Variants in NUP210 observed in about 807,000 individuals in gnomAD.
NUP210 encodes nuclear pore membrane glycoprotein 210.
Under a neutral mutation model 196.0 loss-of-function variants are expected in NUP210, and 151 were observed. The ratio of observed to expected loss-of-function variants is 0.77; its 90% CI spans 0.67 to 0.88. The LOEUF is 0.88. Ranked by LOEUF, NUP210 falls within the 40% of genes least tolerant of loss-of-function variation. The pLI is 0.00. For missense variants in NUP210, 2,314 were observed against 2,493.7 expected, an observed-to-expected ratio of 0.93 and a Z score of 1.53; for synonymous variants, 1,070 against 1,052.7, an observed-to-expected ratio of 1.02 and a Z score of -0.32.
intron 6 of NUP210, among the ~76,000 whole-genome samples, chr3:13,380,885 T>A (rs1342171644): frequency 4.6e-5 from 7 of 152,254 alleles, no homozygotes; most frequent in Non-Finnish European, 1.0e-4. Context: ...AAGTATCAAA[T>A]AATTTTCACT....
At chr3:13,373,650 G>GAGC in intron 12 of NUP210, 68 bp downstream of exon 12, 1 of 1,543,976 alleles carries the variant, frequency 6.5e-7, no homozygotes, top group Non-Finnish European at 8.9e-7. Flanking sequence ...GTCGAGGCTT[G>GAGC]CTCAGAGGGG....
At position 13,372,108 on chromosome 3, in the gene NUP210, T is replaced by A. The variant is rs1698751978; in HGVS notation, c.1588-76A>T. 3.9e-6 allele frequency: 5 copies of A among 1,291,418 alleles called. No homozygotes were observed. In the East Asian group the frequency reaches 1.3e-4, roughly 33 times the overall value. The allele number at this position is 1,291,418 out of a possible 1,614,324, so 80.0% of individuals were successfully genotyped here. A position where few individuals can be genotyped will look rare whatever the true frequency, so the allele number is the denominator to read the frequency against. The stretch of plus-strand genomic sequence containing the variant: ...GGGCCTGTTGCTCGGATATCCTAAG[T>A]GCTGCTGTGTGCTGAGCACTGAGGA... On this transcript the variant is annotated intron_variant, in intron 12 of 39. Coordinates refer to ENST00000254508, the MANE Select transcript of NUP210 (RefSeq NM_024923.4).
intron 3 of NUP210, among the ~76,000 whole-genome samples, chr3:13,391,713 C>T (rs983081485): frequency 3.6e-5 from 5 of 137,784 alleles, no homozygotes; most frequent in African/African-American, 1.1e-4. Flanking sequence ...GGAGTAAACT[C>T]CTCTCCCTCC....
intron 29 of NUP210, 64 bp from the exon 30 acceptor site, chr3:13,330,698 T>C (rs964442219): frequency 2.7e-6 from 4 of 1,469,380 alleles, no homozygotes; most frequent in African/African-American, 1.4e-5. Context: ...CTGGATACAA[T>C]GCCAGGAGAT....
intron 33 of NUP210, among the ~76,000 whole-genome samples, chr3:13,324,162 C>T (rs566639918): frequency 1.3e-5 from 2 of 152,264 alleles, no homozygotes; most frequent in Admixed American, 1.3e-4. Flanking sequence ...TTACCACCAT[C>T]CACCTCCAGG....
intron 15 of NUP210, 88 bp from the exon 16 acceptor site, chr3:13,358,483 G>T: frequency 7.5e-7 from 1 of 1,341,068 alleles, no homozygotes; most frequent in South Asian, 1.5e-5. Flanking sequence ...AGCTCCCTCT[G>T]ACTCAGTTTT....
intron 20 of NUP210, among the ~76,000 whole-genome samples, chr3:13,345,553 A>G (rs1054611272): frequency 2.0e-5 from 3 of 152,202 alleles, no homozygotes; most frequent in Admixed American, 2.0e-4. Context: ...GGCACGGAGG[A>G]TCAACGAGCT....
chr3:13,345,990 C>CACGCAGGGCA (rs1697708397), intron 20 of NUP210, among the ~76,000 whole-genome samples: 1 of 152,244 alleles, frequency 6.6e-6, no homozygotes, highest in African/African-American at 2.4e-5. Flanking sequence ...TGCGGAGCCC[C>CACGCAGGGCA]ACGCAGGGCA....
chr3:13,359,364 C>T (rs148542420), intron 15 of NUP210, among the ~76,000 whole-genome samples: 132 of 152,212 alleles, frequency 8.7e-4, no homozygotes, highest in African/African-American at 2.5e-3. Context: ...TATTATGATG[C>T]TGTTATTGTT....
chr3:13,375,510 T>C lies in NUP210; in HGVS notation c.1425A>G (p.Thr475=). The C allele has an allele frequency of 1.2e-6, 2 of 1,614,112 alleles. No homozygotes were observed. The highest frequency in any genetic ancestry group is 2.2e-5 in the South Asian group (2 of 91,078). ...GGTGAGGGGTCTCACGTACCCTTAT[T>C]GTGTACTGATAGGCGCCCGTCTTTG... ...WQPKTGAYQY[T]IRAHGGSGNF... Residue 475 remains threonine, a synonymous_variant, in exon 11 of 40, where the codon ACA becomes ACG. Coordinates refer to ENST00000254508, the MANE Select transcript of NUP210 (RefSeq NM_024923.4).
Position 13,365,934 on chromosome 3 carries a change from C to A in NUP210, c.1932+12G>T. 6.2e-7 allele frequency: 1 copy of A among 1,613,880 alleles called. No homozygotes were observed. The highest frequency in any genetic ancestry group is 8.5e-7 in the Non-Finnish European group (1 of 1,179,796). On this transcript the variant is annotated intron_variant, in intron 14 of 39. Transcript: ENST00000254508. The stretch of plus-strand genomic sequence containing the variant: ...GGCAGGGGGGTGGTAAAGGGCAGGG[C>A]CCCTGGCTCACCTTGAGGGGCAGGT...
At chr3:13,376,159 A>C in intron 10 of NUP210, 132 bp downstream of exon 10, 1 of 845,866 alleles carries the variant, frequency 1.2e-6, no homozygotes, top group East Asian at 2.5e-5. Flanking sequence ...CCAGGATGCA[A>C]GTAGCCCAAA....
chr3:13,322,470 G>A (rs897835821), intron 34 of NUP210, 131 bp from the exon 35 acceptor site: 17 of 997,700 alleles, frequency 1.7e-5, no homozygotes, highest in African/African-American at 3.2e-5. Context: ...AGGGCCCCAG[G>A]GCGGCTCAAA....
chr3:13,386,851 G>C (rs1699294370), intron 5 of NUP210, among the ~76,000 whole-genome samples: 1 of 152,142 alleles, frequency 6.6e-6, no homozygotes, highest in Non-Finnish European at 1.5e-5. Context: ...GCTATTCCTT[G>C]ACCCCTTCCC....
At chr3:13,362,620 G>T (rs942111769) in intron 14 of NUP210, among the ~76,000 whole-genome samples, 1 of 152,120 alleles carries the variant, frequency 6.6e-6, no homozygotes, top group Non-Finnish European at 1.5e-5. Context: ...AACATTTTTG[G>T]GATCTGATAT....
intron 6 of NUP210, among the ~76,000 whole-genome samples, chr3:13,385,098 T>C (rs1326964458): frequency 6.6e-6 from 1 of 152,204 alleles, no homozygotes; most frequent in Non-Finnish European, 1.5e-5. Context: ...CAGGAGCGCC[T>C]GTCTTCAGTT....
intron 5 of NUP210, among the ~76,000 whole-genome samples, chr3:13,387,024 GGC>G (rs1178015693): frequency 6.6e-6 from 1 of 152,204 alleles, no homozygotes; most frequent in Non-Finnish European, 1.5e-5. Flanking sequence ...CCTGTTTGAT[GGC>G]AGTGTACATT....
chr3:13,359,388 T>C (rs968835623), intron 15 of NUP210, among the ~76,000 whole-genome samples: 1 of 152,206 alleles, frequency 6.6e-6, no homozygotes, highest in Non-Finnish European at 1.5e-5. Flanking sequence ...GTTGTTTTAT[T>C]GTTTTTCTAA....
Position 13,321,582 on chromosome 3 carries a change from C to T in NUP210, c.5166+3G>A, listed in dbSNP as rs1037357933. The T allele has an allele frequency of 6.8e-6, 11 of 1,611,474 alleles. No homozygotes were observed. Among genetic ancestry groups the T allele is most frequent in the Admixed American group, 6.7e-5 (4 of 59,986 alleles). On this transcript the variant is annotated splice_donor_region_variant and intron_variant, in intron 36 of 39. Coordinates refer to ENST00000254508, the MANE Select transcript of NUP210 (RefSeq NM_024923.4). ...TGGCCTGAGGCATGCAGATGCCACT[C>T]ACCTCCAAGTTCTCCAGAACCTCCG...
Sources: allele counts gnomAD v4.1 joint callset (sites outside exome capture counted in the v4.1 genomes callset), GRCh38; gene constraint gnomAD v4.1.1; transcripts MANE v1.5; gene names NCBI Gene and HGNC (gene_info 2026-07-23, HGNC 2026-07-21).